ZNF609: variants seen among roughly 807,000 people sequenced by gnomAD.
The protein encoded by ZNF609 is zinc finger protein 609.
Under a neutral mutation model 109.5 loss-of-function variants are expected in ZNF609, and 11 were observed. That is an observed-to-expected ratio of 0.10 (90% CI 0.06 to 0.17). The LOEUF (loss-of-function observed/expected upper bound fraction) is 0.17. ZNF609 is among the 10% of genes least tolerant of loss of function. ZNF609 has a pLI of 1.00. For missense variants in ZNF609, 1,559 were observed against 1,772.4 expected (o/e 0.88, Z 2.16); for synonymous variants, 646 against 662.0 (o/e 0.98, Z 0.37).
At chr15:64,561,971 ACCT>A (rs1194633061) in intron 2 of ZNF609, among the ~76,000 whole-genome samples, 1 of 152,074 alleles carries the variant, frequency 6.6e-6, no homozygotes, top group Non-Finnish European at 1.5e-5. Flanking sequence ...ATAAGGGTAG[ACCT>A]CCTAATGCCT....
intron 2 of ZNF609, chr15:64,500,489 A>T (rs375455352): frequency 1.6e-6 from 1 of 630,044 alleles, no homozygotes. Context: ...GTTGGTAGAG[A>T]TTGGCATCAG....
chr15:64,538,352 G>A (rs1392672936), intron 2 of ZNF609, among the ~76,000 whole-genome samples: 1 of 152,150 alleles, frequency 6.6e-6, no homozygotes, highest in Non-Finnish European at 1.5e-5. Context: ...TTTGAGAAAT[G>A]TAAAATAATT....
At chr15:64,556,169 T>A (rs1425765627) in intron 2 of ZNF609, among the ~76,000 whole-genome samples, 3 of 142,644 alleles carry the variant, frequency 2.1e-5, no homozygotes, top group South Asian at 2.2e-4. Flanking sequence ...TTTTTTTTTT[T>A]ATTATTTGTA....
At chr15:64,475,760 T>TA in intron 1 of ZNF609, among the ~76,000 whole-genome samples, 1 of 152,202 alleles carries the variant, frequency 6.6e-6, no homozygotes, top group Non-Finnish European at 1.5e-5. Flanking sequence ...GCTCGTGAGA[T>TA]ACCTGTGTCT....
In ZNF609 at chr15:64,499,791, C is replaced by G. The variant is rs1310667409; in HGVS notation, c.372C>G (p.Arg124=). ...GAASKKEVQG[R]SGDGANAGGL... ...CTAGCAAGAAAGAGGTGCAGGGGCG[C>G]TCAGGAGATGGTGCCAATGCTGGAG... The change falls in exon 2 of 10, where the codon CGC becomes CGG. Residue 124 remains arginine (R), a synonymous_variant. Coordinates refer to ENST00000326648, the MANE Select transcript of ZNF609 (RefSeq NM_015042.2). 6.2e-7 allele frequency: 1 copy of G among 1,614,016 alleles called. No individual in the cohort carries two copies. Among genetic ancestry groups the G allele is most frequent in the South Asian group, 1.1e-5 (1 of 91,074 alleles).
intron 2 of ZNF609, among the ~76,000 whole-genome samples, chr15:64,536,223 T>C (rs759676667): frequency 6.6e-6 from 1 of 152,188 alleles, no homozygotes; most frequent in Non-Finnish European, 1.5e-5. Context: ...GGTCTTACTA[T>C]GTTGCTGAGG....
Position 64,674,492 on chromosome 15 carries a change from G to A in ZNF609, c.1638G>A (p.Gly546=). 1 of 1,614,122 alleles carries A rather than the reference G, an allele frequency of 6.2e-7. No homozygotes were observed. Among genetic ancestry groups the A allele is most frequent in the Non-Finnish European group, 8.5e-7 (1 of 1,180,018 alleles). ...GEEPILHADL[G]SCNGASVSQK... ...AACCTATTCTCCATGCAGATCTTGGGAGCTGCAACGGTGCATCTGTCTCAC... is the reference window on the plus strand; with the variant it reads ...AACCTATTCTCCATGCAGATCTTGGAAGCTGCAACGGTGCATCTGTCTCAC... The change falls in exon 5 of 10, where the codon GGG becomes GGA. Residue 546 remains glycine, a synonymous_variant. Coordinates refer to ENST00000326648, the MANE Select transcript of ZNF609 (RefSeq NM_015042.2).
intron 1 of ZNF609, among the ~76,000 whole-genome samples, chr15:64,481,826 C>T (rs1893258296): frequency 6.6e-6 from 1 of 152,136 alleles, no homozygotes; most frequent in South Asian, 2.1e-4. Flanking sequence ...GCTCTGTCGC[C>T]TAGGCTGGAG....
chr15:64,606,750 A>G (rs1038176162), intron 2 of ZNF609, among the ~76,000 whole-genome samples: 2 of 151,806 alleles, frequency 1.3e-5, no homozygotes, highest in African/African-American at 4.8e-5. Context: ...CATCAGTAAT[A>G]CCAGCACTTT....
rs1206513622 is a variant in ZNF609, at chr15:64,546,789, C to CTT, written c.747+46641_747+46642dup. On this transcript the variant is annotated intron_variant, in intron 2 of 9. Coordinates refer to ENST00000326648, the MANE Select transcript of ZNF609 (RefSeq NM_015042.2). ...ACAACCCAGCCAGTTTTTCATGTTTCTTTTTTTTTTTTTTTTTTTGAGACA... is the reference window on the plus strand; with the variant it reads ...ACAACCCAGCCAGTTTTTCATGTTTCTTTTTTTTTTTTTTTTTTTTTGAGACA... 3.4e-4 allele frequency among the ~76,000 whole-genome samples: 42 copies of CTT among 122,530 alleles called. 1 individual carries two copies. Among genetic ancestry groups the CTT allele is most frequent in the South Asian group, 5.7e-4 (2 of 3,486 alleles). The allele number at this position is 122,530 out of a possible 152,430, so 80.4% of individuals were successfully genotyped here.
At chr15:64,492,321 G>A (rs1409837513) in intron 1 of ZNF609, among the ~76,000 whole-genome samples, 1 of 151,964 alleles carries the variant, frequency 6.6e-6, no homozygotes, top group African/African-American at 2.4e-5. Flanking sequence ...TGAGTTCATG[G>A]AAGAAGAAAA....
chr15:64,468,990 C>A (rs953135984), intron 1 of ZNF609, among the ~76,000 whole-genome samples: 1 of 145,892 alleles, frequency 6.9e-6, no homozygotes, highest in Non-Finnish European at 1.5e-5. Context: ...ATCACTTGAG[C>A]CCAGGAGTTG....
rs34593010 is a variant in ZNF609 at position 64,469,036 on chromosome 15, T to TAAAAA, written c.-128+8214_-128+8218dup. Among the ~76,000 whole-genome samples the TAAAAA allele has an allele frequency of 6.3e-4, 38 of 60,768 alleles. 3 individuals carry two copies. Among genetic ancestry groups the TAAAAA allele is most frequent in the African/African-American group, 9.4e-4 (14 of 14,848 alleles). 39.9% of individuals were successfully genotyped at this position (60,768 alleles called of 152,430 possible). Reference sequence around the variant, plus strand: ...TGGGCAACAGAGAGGCCTCATATCTTAAAAAAAAAAAAAAAAAAAACAACA... The same window carrying TAAAAA: ...TGGGCAACAGAGAGGCCTCATATCTTAAAAAAAAAAAAAAAAAAAAAAAAACAACA... On this transcript the variant is annotated intron_variant, in intron 1 of 9. Transcript: ENST00000326648.
intron 2 of ZNF609, among the ~76,000 whole-genome samples, chr15:64,507,617 A>G (rs1893655866): frequency 6.6e-6 from 1 of 152,202 alleles, no homozygotes; most frequent in South Asian, 2.1e-4. Context: ...AAGAGCTACA[A>G]AGAAGGAAAT....
intron 2 of ZNF609, 26 bp from the exon 3 acceptor site, chr15:64,622,801 G>A (rs375611005): frequency 3.1e-6 from 5 of 1,594,700 alleles, no homozygotes; most frequent in Non-Finnish European, 4.3e-6. Flanking sequence ...CTGCAACTCA[G>A]CTACTACTTT....
intron 5 of ZNF609, among the ~76,000 whole-genome samples, chr15:64,677,254 G>A (rs917611170): frequency 6.6e-6 from 1 of 151,270 alleles, no homozygotes; most frequent in Non-Finnish European, 1.5e-5. Flanking sequence ...TGTAGAGAGG[G>A]GTCTCACTAT....
intron 2 of ZNF609, among the ~76,000 whole-genome samples, chr15:64,622,504 C>T (rs1024037633): frequency 2.0e-5 from 3 of 152,146 alleles, no homozygotes; most frequent in Non-Finnish European, 4.4e-5. Context: ...GATTCTCTTT[C>T]ATTAGAGACT....
chr15:64,547,921 C>G (rs1174320068), intron 2 of ZNF609, among the ~76,000 whole-genome samples: 1 of 151,826 alleles, frequency 6.6e-6, no homozygotes, highest in African/African-American at 2.4e-5. Context: ...ATTTTAATAC[C>G]CTTGTAGATT....
intron 3 of ZNF609, among the ~76,000 whole-genome samples, chr15:64,624,761 CT>C (rs11411889): frequency 1.8e-4 from 24 of 131,832 alleles, no homozygotes; most frequent in Middle Eastern, 3.9e-3. Context: ...GTTACGTACA[CT>C]TTTTTTTTTT....
Sources: gnomAD v4.1 joint callset for allele counts (sites outside exome capture counted in the v4.1 genomes callset) on GRCh38, gnomAD v4.1.1 for gene constraint, MANE v1.5 for transcripts, NCBI Gene and HGNC (gene_info 2026-07-23, HGNC 2026-07-21) for gene names.